The following RARB variants were observed in gnomAD, a reference collection of about 807,000 sequenced individuals.
The protein encoded by RARB is HBV-activated protein.
RARB carries 17 observed loss-of-function variants against 51.9 expected under a neutral mutation model. The observed-to-expected ratio is 0.33, with a 90% CI of 0.22 to 0.49. The LOEUF (loss-of-function observed/expected upper bound fraction) is 0.49. Ranked by LOEUF, RARB falls within the 20% of genes least tolerant of loss-of-function variation. RARB has a pLI of 0.99. For missense variants in RARB, 369 were observed against 550.8 expected, an observed-to-expected ratio of 0.67 and a Z score of 3.30; for synonymous variants, 215 against 195.4, an observed-to-expected ratio of 1.10 and a Z score of -0.84.
intron 3 of RARB, among the ~76,000 whole-genome samples, chr3:25,094,079 T>C (rs2125318106): frequency 6.6e-6 from 1 of 152,286 alleles, no homozygotes; most frequent in East Asian, 1.9e-4. Context: ...GAGAAAATGA[T>C]GACAGAACCC....
intron 5 of RARB, among the ~76,000 whole-genome samples, chr3:25,205,787 A>T (rs766285046): frequency 2.6e-5 from 4 of 151,660 alleles, no homozygotes; most frequent in Non-Finnish European, 4.4e-5. Flanking sequence ...CTGTTGCCCT[A>T]GCTGGAGTGC....
chr3:24,951,673 A>G (rs1695895406), intron 2 of RARB, among the ~76,000 whole-genome samples: 2 of 152,232 alleles, frequency 1.3e-5, no homozygotes, highest in Admixed American at 1.3e-4. Context: ...ATGTGTCTAT[A>G]GATATTTGAG....
At chr3:25,581,406 A>T (rs529627455) in intron 5 of RARB, among the ~76,000 whole-genome samples, 1 of 152,230 alleles carries the variant, frequency 6.6e-6, no homozygotes, top group Admixed American at 6.5e-5. Flanking sequence ...CTCCCATCCA[A>T]GGAAACAGTC....
intron 3 of RARB, among the ~76,000 whole-genome samples, chr3:25,071,381 T>G (rs1280510778): frequency 6.6e-6 from 1 of 152,148 alleles, no homozygotes; most frequent in Non-Finnish European, 1.5e-5. Flanking sequence ...TCTGAGACTT[T>G]GCAGAAACAC....
intron 2 of RARB, among the ~76,000 whole-genome samples, chr3:24,879,080 T>G (rs1322376153): frequency 1.3e-5 from 2 of 152,282 alleles, no homozygotes; most frequent in East Asian, 3.9e-4. Flanking sequence ...TTTTTCTCAC[T>G]GTAGACTTAG....
chr3:25,231,267 A>C (rs1055519172), intron 5 of RARB, among the ~76,000 whole-genome samples: 1 of 152,190 alleles, frequency 6.6e-6, no homozygotes, highest in Non-Finnish European at 1.5e-5. Context: ...CCAGCAAAGC[A>C]ATGCTTGCTT....
At chr3:24,937,913 T>C (rs1317749569) in intron 2 of RARB, among the ~76,000 whole-genome samples, 1 of 152,190 alleles carries the variant, frequency 6.6e-6, no homozygotes, top group East Asian at 1.9e-4. Context: ...AGGGTGTCTG[T>C]GTTCTCTGAG....
In RARB at chr3:25,428,490, C is replaced by A. The variant is rs2125512493; in HGVS notation, c.-242C>A. The A allele has an allele frequency of 7.9e-7, 1 of 1,266,902 alleles. No individual in the cohort carries two copies. Among genetic ancestry groups the A allele is most frequent in the Non-Finnish European group, 9.9e-7 (1 of 1,007,778 alleles). The allele number at this position is 1,266,902 out of a possible 1,614,324, so 78.5% of individuals were successfully genotyped here. ...GGAGAACTTGGGATCTTTCTGGGAACCCCCCGCCCCGGCTGGATTGGCCGA... is the reference window on the plus strand; with the variant it reads ...GGAGAACTTGGGATCTTTCTGGGAAACCCCCGCCCCGGCTGGATTGGCCGA... On this transcript the variant is annotated 5_prime_UTR_variant, in exon 1 of 8. Coordinates refer to ENST00000330688, the MANE Select transcript of RARB (RefSeq NM_000965.5).
At position 25,056,347 on chromosome 3, in the gene RARB, T is replaced by A. The variant is rs4858695; in HGVS notation, c.-379-3778T>A. 6.6e-5 allele frequency among the ~76,000 whole-genome samples: 10 copies of A among 152,040 alleles called. No homozygotes were observed. The East Asian group carries it at 1.4e-3, about 21-fold the overall frequency. ...CACAGAGATTCCCATCTAAAAGCAA[T>A]AAAATTCAATCTTGAAGAATACTGG... On this transcript the variant is annotated intron_variant, in intron 2 of 11. Transcript: ENST00000383772.
intron 2 of RARB, among the ~76,000 whole-genome samples, chr3:24,957,991 A>T (rs1696054318): frequency 6.6e-6 from 1 of 152,208 alleles, no homozygotes; most frequent in African/African-American, 2.4e-5. Context: ...TCTTAGCATA[A>T]TTTAATTGTA....
intron 1 of RARB, among the ~76,000 whole-genome samples, chr3:24,847,997 T>C (rs1173221135): frequency 1.3e-5 from 2 of 152,248 alleles, no homozygotes; most frequent in African/African-American, 4.8e-5. Flanking sequence ...TTCAGGATTA[T>C]GGGTTTTGCC....
chr3:24,864,369 T>C (rs1182703065), intron 2 of RARB, among the ~76,000 whole-genome samples: 1 of 152,220 alleles, frequency 6.6e-6, no homozygotes, highest in Non-Finnish European at 1.5e-5. Context: ...TCCTTTGCTG[T>C]CCAGTGTTGG....
chr3:25,437,097 G>A (rs927563938), intron 1 of RARB, among the ~76,000 whole-genome samples: 3 of 150,128 alleles, frequency 2.0e-5, no homozygotes, highest in Non-Finnish European at 3.0e-5. Flanking sequence ...TGTGGCTTAC[G>A]TGCCTTTGCT....
chr3:25,096,313 C>A lies in RARB; in HGVS notation c.-327-35848C>A, dbSNP rs549753196. 3.3e-5 allele frequency among the ~76,000 whole-genome samples: 5 copies of A among 152,112 alleles called. No individual in the cohort carries two copies. In the South Asian group the frequency reaches 6.2e-4, roughly 19 times the overall value. On this transcript the variant is annotated intron_variant, in intron 3 of 11. Transcript: ENST00000383772. ...TAATGGAATATAATTAAACTGAGAA[C>A]TTGTATGGTGCCTCAAGAGGGGAGA...
intron 3 of RARB, among the ~76,000 whole-genome samples, chr3:25,061,140 C>T (rs963106465): frequency 6.6e-6 from 1 of 151,782 alleles, no homozygotes; most frequent in Non-Finnish European, 1.5e-5. Context: ...ATGAAGGAAA[C>T]ATTATAGTTT....
intron 2 of RARB, among the ~76,000 whole-genome samples, chr3:25,479,677 T>C (rs1208149852): frequency 6.6e-6 from 1 of 152,244 alleles, no homozygotes; most frequent in Admixed American, 6.5e-5. Context: ...TCAAATCTCA[T>C]ACTTGGTTCA....
chr3:25,242,018 A>G (rs559339657), intron 5 of RARB, among the ~76,000 whole-genome samples: 1 of 152,258 alleles, frequency 6.6e-6, no homozygotes, highest in Non-Finnish European at 1.5e-5. Context: ...CTGGCGTGAG[A>G]TGGTATCTCA....
chr3:24,870,561 T>C (rs1012205108), intron 2 of RARB, among the ~76,000 whole-genome samples: 2 of 152,118 alleles, frequency 1.3e-5, no homozygotes, highest in Admixed American at 6.6e-5. Context: ...CTTCTACCTA[T>C]AGCATTAATT....
At chr3:24,983,005 T>C (rs1386169798) in intron 2 of RARB, among the ~76,000 whole-genome samples, 2 of 152,210 alleles carry the variant, frequency 1.3e-5, no homozygotes, top group Non-Finnish European at 1.5e-5. Flanking sequence ...CATATACATA[T>C]ATTAAATATA....
Sources: allele counts gnomAD v4.1 joint callset (sites outside exome capture counted in the v4.1 genomes callset), GRCh38; gene constraint gnomAD v4.1.1; transcripts MANE v1.5; gene names NCBI Gene and HGNC (gene_info 2026-07-23, HGNC 2026-07-21).